The following CHM variants were observed in gnomAD, a reference collection of about 807,000 sequenced individuals.
The protein encoded by CHM is rab proteins geranylgeranyltransferase component A 1.
Under a neutral mutation model 49.0 loss-of-function variants are expected in CHM, and 10 were observed. The ratio of observed to expected loss-of-function variants is 0.20; its 90% confidence interval spans 0.13 to 0.35. The LOEUF is 0.35. Among genes scored for constraint, CHM ranks in the 10% least tolerant of loss-of-function variants. CHM has a pLI of 1.00. For synonymous variants in CHM, 184 were observed against 167.5 expected (o/e 1.10, Z -0.76); for missense variants, 455 against 478.4 (o/e 0.95, Z 0.46).
chrX:85,904,492 T>G (rs1323223637), intron 9 of CHM, among the ~76,000 whole-genome samples: 1 of 111,849 alleles, frequency 8.9e-6, no homozygotes, highest in Non-Finnish European at 1.9e-5. Context: ...AAAATAACAC[T>G]AAAACAAGTA....
chrX:85,922,581 C>G (rs1301118832), intron 8 of CHM, among the ~76,000 whole-genome samples: 1 of 112,750 alleles, frequency 8.9e-6, no homozygotes, highest in Non-Finnish European at 1.9e-5. Flanking sequence ...TAGCTAAATA[C>G]AGATGCTCCT....
chrX:85,904,316 C>T (rs1405915004), intron 9 of CHM, among the ~76,000 whole-genome samples: 1 of 111,360 alleles, frequency 9.0e-6, no homozygotes, highest in Non-Finnish European at 1.9e-5. Flanking sequence ...CCATACAAAA[C>T]ACTCAAGCCA....
intron 2 of CHM, among the ~76,000 whole-genome samples, chrX:86,003,550 T>C (rs1212337345): frequency 1.8e-5 from 2 of 111,742 alleles, no homozygotes; most frequent in African/African-American, 6.5e-5. Flanking sequence ...GAATAAACAG[T>C]GTAGAGAAGA....
intron 8 of CHM, among the ~76,000 whole-genome samples, chrX:85,921,186 C>T (rs1346612277): frequency 9.0e-6 from 1 of 111,550 alleles, no homozygotes; most frequent in Non-Finnish European, 1.9e-5. Context: ...AATACTTTAC[C>T]ATGATTTTGG....
chrX:85,995,847 C>T (rs1227066859), intron 2 of CHM, among the ~76,000 whole-genome samples: 2 of 111,411 alleles, frequency 1.8e-5, no homozygotes, highest in Admixed American at 9.5e-5. Context: ...ATTAGTTCCA[C>T]AGACATCATA....
chrX:86,004,727 T>C (rs867888918), intron 2 of CHM, among the ~76,000 whole-genome samples: 1 of 111,511 alleles, frequency 9.0e-6, no homozygotes, highest in African/African-American at 3.3e-5. Flanking sequence ...CCTAAATATA[T>C]ATGCACCAAA....
intron 1 of CHM, among the ~76,000 whole-genome samples, chrX:86,033,966 ATTTAT>A (rs1934137415): frequency 8.9e-6 from 1 of 111,739 alleles, no homozygotes; most frequent in African/African-American, 3.2e-5. Flanking sequence ...AACTTGGAAA[ATTTAT>A]TTTAATTTTT....
intron 7 of CHM, among the ~76,000 whole-genome samples, chrX:85,956,711 T>C (rs1930026144): frequency 8.9e-6 from 1 of 111,793 alleles, no homozygotes; most frequent in African/African-American, 3.2e-5. Flanking sequence ...ATAATGCCAA[T>C]AATGGTACTG....
intron 12 of CHM, 108 bp downstream of exon 12, chrX:85,894,079 AT>A: frequency 1.7e-6 from 1 of 574,124 alleles, no homozygotes. Flanking sequence ...ACTGTGAATA[AT>A]AAAAAAGTAA....
chrX:86,009,934 A>AT (rs907492524), intron 2 of CHM, among the ~76,000 whole-genome samples: 14 of 110,258 alleles, frequency 1.3e-4, no homozygotes, highest in Non-Finnish European at 2.3e-4. Flanking sequence ...AATAATAATA[A>AT]TTTTAAAGTC....
chrX:86,017,834 C>G (rs758325428), intron 2 of CHM, among the ~76,000 whole-genome samples: 1 of 112,028 alleles, frequency 8.9e-6, no homozygotes, highest in East Asian at 2.8e-4. Flanking sequence ...ATGCCCCTAT[C>G]TATACTCAGA....
Position 85,955,149 on chromosome X carries a change from C to T in CHM, c.1166+1004G>A, listed in dbSNP as rs771032851. On this transcript the variant is annotated intron_variant, in intron 8 of 14. Coordinates refer to ENST00000357749, the MANE Select transcript of CHM (RefSeq NM_000390.4). ...GTAGGAATGGTTAATAGGTACAAAA[C>T]GTAGTTAGAAAGAATGAATAAAATC... 9.0e-5 allele frequency among the ~76,000 whole-genome samples: 10 copies of T among 111,044 alleles called. No individual in the cohort carries two copies. The South Asian group carries it at 3.4e-3, about 38-fold the overall frequency.
intron 8 of CHM, among the ~76,000 whole-genome samples, chrX:85,931,728 C>CT (rs1292871120): frequency 8.9e-6 from 1 of 111,900 alleles, no homozygotes; most frequent in East Asian, 2.8e-4. Flanking sequence ...ACTACAGCCT[C>CT]TCATCTATGC....
chrX:85,880,220 T>C (rs1924677866), intron 12 of CHM, among the ~76,000 whole-genome samples: 1 of 111,654 alleles, frequency 9.0e-6, no homozygotes, highest in Admixed American at 9.5e-5. Flanking sequence ...TGTTTTCACA[T>C]GAATTTAACA....
chrX:85,941,759 G>A (rs1010385980), intron 8 of CHM, among the ~76,000 whole-genome samples: 17 of 107,482 alleles, frequency 1.6e-4, no homozygotes, highest in Non-Finnish European at 3.3e-4. Flanking sequence ...GTCTATTTAC[G>A]AAAAAAAAAA....
At position 86,002,748 on chromosome X, in the gene CHM, C is replaced by T. The variant is rs764026345; in HGVS notation, c.117-20939G>A. The stretch of plus-strand genomic sequence containing the variant: ...AAGTGGCCAGGAAGCTTGAACTGGG[C>T]GGAGCTGACCACAACTCAGCAAGGC... On this transcript the variant is annotated intron_variant, in intron 2 of 14. Transcript: ENST00000357749. Among the ~76,000 whole-genome samples, 45 of 112,475 alleles carry T rather than the reference C, an allele frequency of 4.0e-4. 1 individual carries two copies. Among genetic ancestry groups the T allele is most frequent in the African/African-American group, 1.3e-3 (41 of 30,966 alleles).
chrX:86,031,423 T>A (rs1334362784), intron 1 of CHM, among the ~76,000 whole-genome samples: 1 of 111,295 alleles, frequency 9.0e-6, no homozygotes, highest in Non-Finnish European at 1.9e-5. Flanking sequence ...GAATAGGGAG[T>A]CTTGAAAGGA....
intron 1 of CHM, among the ~76,000 whole-genome samples, chrX:86,044,819 C>T (rs371082184): frequency 3.3e-4 from 37 of 111,777 alleles, no homozygotes; most frequent in South Asian, 2.6e-3. Context: ...TTCTTTATTC[C>T]ATTTTCTTCT....
chrX:85,888,303 G>A (rs759187321), intron 12 of CHM, among the ~76,000 whole-genome samples: 2 of 112,118 alleles, frequency 1.8e-5, no homozygotes, highest in South Asian at 3.7e-4. Flanking sequence ...GTTATTAAAT[G>A]CAAGTTTAAA....
Sources: allele counts gnomAD v4.1 joint callset (sites outside exome capture counted in the v4.1 genomes callset), GRCh38; gene constraint gnomAD v4.1.1; transcripts MANE v1.5; gene names NCBI Gene and HGNC (gene_info 2026-07-23, HGNC 2026-07-21).